CNTNAP2: variants seen among roughly 807,000 people sequenced by gnomAD.
The protein encoded by CNTNAP2 is contactin associated protein 2, also known as contactin-associated protein-like 2.
CNTNAP2 carries 98 observed loss-of-function variants against 155.2 expected under a neutral mutation model. That is an observed-to-expected ratio of 0.63 (90% confidence interval 0.54 to 0.75). The LOEUF (loss-of-function observed/expected upper bound fraction) is 0.75. CNTNAP2 is among the 30% of genes least tolerant of loss of function. The pLI is 0.00. For missense variants in CNTNAP2, 1,727 were observed against 1,688.1 expected (o/e 1.02, Z -0.40); for synonymous variants, 651 against 631.2 (o/e 1.03, Z -0.47).
intron 13 of CNTNAP2, among the ~76,000 whole-genome samples, chr7:147,841,074 T>A (rs1429065695): frequency 2.0e-5 from 3 of 152,162 alleles, no homozygotes; most frequent in Non-Finnish European, 4.4e-5. Context: ...TTTTAATCAA[T>A]GTATTAGAAA....
chr7:147,473,286 T>G (rs1467837796), intron 10 of CNTNAP2, among the ~76,000 whole-genome samples: 1 of 152,180 alleles, frequency 6.6e-6, no homozygotes, highest in Non-Finnish European at 1.5e-5. Context: ...AGTTTTGTCA[T>G]TTGTTTTAGG....
chr7:147,981,641 T>G (rs1801531904), intron 15 of CNTNAP2, among the ~76,000 whole-genome samples: 2 of 152,216 alleles, frequency 1.3e-5, no homozygotes, highest in African/African-American at 4.8e-5. Flanking sequence ...TTTTGGTTGA[T>G]TTCATCATGC....
At chr7:147,597,203 T>G (rs921037143) in intron 12 of CNTNAP2, among the ~76,000 whole-genome samples, 1 of 152,194 alleles carries the variant, frequency 6.6e-6, no homozygotes, top group African/African-American at 2.4e-5. Flanking sequence ...TTCTTTCTTG[T>G]GCGAGATCCA....
intron 8 of CNTNAP2, among the ~76,000 whole-genome samples, chr7:147,246,347 C>T (rs1320225751): frequency 6.6e-6 from 1 of 152,092 alleles, no homozygotes; most frequent in South Asian, 2.1e-4. Flanking sequence ...TCCCTCTACC[C>T]TCACCTCAAT....
chr7:146,261,014 C>T (rs1472261395), intron 1 of CNTNAP2, among the ~76,000 whole-genome samples: 1 of 152,136 alleles, frequency 6.6e-6, no homozygotes, highest in Non-Finnish European at 1.5e-5. Flanking sequence ...TTCTCCCAGG[C>T]TGTTCTTGAG....
intron 3 of CNTNAP2, among the ~76,000 whole-genome samples, chr7:146,872,259 A>G (rs573556297): frequency 6.7e-5 from 10 of 150,324 alleles, no homozygotes; most frequent in Non-Finnish European, 1.3e-4. Flanking sequence ...AAAAAAGTAT[A>G]TATAGACCAC....
chr7:147,081,855 A>G (rs928964835), intron 4 of CNTNAP2: 1 of 152,186 alleles, frequency 6.6e-6, no homozygotes, highest in Non-Finnish European at 1.5e-5. Context: ...CCTTCCTGCT[A>G]CATCTGTACA....
intron 3 of CNTNAP2, among the ~76,000 whole-genome samples, chr7:146,919,304 T>C (rs28837225): frequency 0.011 from 1,628 of 152,314 alleles, 30 homozygotes; most frequent in African/African-American, 0.038. Context: ...CATTCTCATT[T>C]GGGTAGACTA....
chr7:147,583,554 G>T (rs1181332542), intron 12 of CNTNAP2, among the ~76,000 whole-genome samples: 2 of 134,972 alleles, frequency 1.5e-5, no homozygotes, highest in Non-Finnish European at 3.1e-5. Context: ...ATTAAAATTA[G>T]TTCTTTCTGA....
intron 15 of CNTNAP2, among the ~76,000 whole-genome samples, chr7:148,015,978 G>A (rs897524727): frequency 1.3e-5 from 2 of 152,142 alleles, no homozygotes; most frequent in Non-Finnish European, 2.9e-5. Context: ...AATGAAAGGG[G>A]TACTTAGCAT....
intron 13 of CNTNAP2, among the ~76,000 whole-genome samples, chr7:147,734,890 A>G (rs1428475853): frequency 1.3e-5 from 2 of 151,652 alleles, no homozygotes; most frequent in African/African-American, 2.4e-5. Flanking sequence ...TATTGTGTCT[A>G]TTTGATTCTT....
intron 17 of CNTNAP2, among the ~76,000 whole-genome samples, chr7:148,156,750 G>A (rs1805406822): frequency 6.6e-6 from 1 of 152,084 alleles, no homozygotes; most frequent in Non-Finnish European, 1.5e-5. Context: ...CTGGAAATTT[G>A]TTCCTCCAAA....
At chr7:147,636,965 CA>C (rs1166354817) in intron 12 of CNTNAP2, among the ~76,000 whole-genome samples, 1 of 152,066 alleles carries the variant, frequency 6.6e-6, no homozygotes, top group East Asian at 1.9e-4. Context: ...AAGGAAGCAG[CA>C]GGTGCAGAGG....
chr7:146,257,703 T>G (rs1440287698), intron 1 of CNTNAP2, among the ~76,000 whole-genome samples: 1 of 152,188 alleles, frequency 6.6e-6, no homozygotes, highest in Non-Finnish European at 1.5e-5. Flanking sequence ...GAGGCTGTGT[T>G]AAGACACAGA....
intron 10 of CNTNAP2, among the ~76,000 whole-genome samples, chr7:147,418,551 C>T (rs1183693370): frequency 6.6e-6 from 1 of 152,146 alleles, no homozygotes; most frequent in African/African-American, 2.4e-5. Context: ...TGTAAAATTG[C>T]AAATGTGTTT....
intron 2 of CNTNAP2, among the ~76,000 whole-genome samples, chr7:146,810,683 G>A (rs1428390456): frequency 6.6e-6 from 1 of 151,772 alleles, no homozygotes; most frequent in Admixed American, 6.6e-5. Context: ...TTGAATAGAA[G>A]TGACAAGAGT....
At chr7:148,026,578 G>A (rs1802379495) in intron 15 of CNTNAP2, among the ~76,000 whole-genome samples, 1 of 152,172 alleles carries the variant, frequency 6.6e-6, no homozygotes, top group Non-Finnish European at 1.5e-5. Flanking sequence ...AAAAGAGTAA[G>A]TCAGATTCTT....
Position 146,584,101 on chromosome 7 carries a change from C to T in CNTNAP2, c.98-190170C>T, listed in dbSNP as rs538094897. Among the ~76,000 whole-genome samples, 6 of 152,164 alleles carry T rather than the reference C, an allele frequency of 3.9e-5. No homozygotes were observed. In the East Asian group the frequency reaches 7.7e-4, roughly 20 times the overall value. On this transcript the variant is annotated intron_variant, in intron 1 of 23. Coordinates refer to ENST00000361727, the MANE Select transcript of CNTNAP2 (RefSeq NM_014141.6). Reference sequence around the variant, plus strand: ...AAATATTTCAACATTACTAATAAATCATGAAAAGTACTAACATAAGGAGAC... The same window carrying T: ...AAATATTTCAACATTACTAATAAATTATGAAAAGTACTAACATAAGGAGAC...
At chr7:147,941,155 A>G (rs1800714242) in intron 14 of CNTNAP2, among the ~76,000 whole-genome samples, 1 of 152,202 alleles carries the variant, frequency 6.6e-6, no homozygotes, top group South Asian at 2.1e-4. Context: ...TTCCCAAAGA[A>G]GCACTGTGCC....
Sources: allele counts gnomAD v4.1 joint callset (sites outside exome capture counted in the v4.1 genomes callset), GRCh38; gene constraint gnomAD v4.1.1; transcripts MANE v1.5; gene names NCBI Gene and HGNC (gene_info 2026-07-23, HGNC 2026-07-21).